Variants in CFAP299 observed in about 807,000 individuals in gnomAD.
CFAP299 encodes the protein cilia- and flagella-associated protein 299.
In CFAP299, 21 loss-of-function variants were observed where a neutral mutation model predicts 27.0. The ratio of observed to expected loss-of-function variants is 0.78; its 90% CI spans 0.55 to 1.12. The LOEUF (loss-of-function observed/expected upper bound fraction) is 1.12, where lower values mean the gene tolerates loss of function less well. Among genes scored for constraint, CFAP299 ranks in the 50% most tolerant of loss-of-function variants. The probability of loss-of-function intolerance (pLI) is 0.00; values close to 1 mark genes in which losing one functional copy is unlikely to be tolerated. For synonymous variants in CFAP299, 104 were observed against 98.1 expected, an observed-to-expected ratio of 1.06 and a Z score of -0.36; for missense variants, 310 against 276.6, an observed-to-expected ratio of 1.12 and a Z score of -0.86.
intron 3 of CFAP299, among the ~76,000 whole-genome samples, chr4:80,828,942 A>G (rs1730143297): frequency 6.6e-6 from 1 of 152,114 alleles, no homozygotes; most frequent in South Asian, 2.1e-4. Context: ...AACAAAATTG[A>G]TCAAAGACCT....
At chr4:80,409,980 C>T (rs183862869) in intron 2 of CFAP299, among the ~76,000 whole-genome samples, 15 of 152,202 alleles carry the variant, frequency 9.9e-5, no homozygotes, top group African/African-American at 3.1e-4. Context: ...GAAGGTCCAG[C>T]GAAGATCAGC....
the CFAP299 span, among the ~76,000 whole-genome samples, chr4:80,322,645 CTT>C: frequency 6.6e-6 from 1 of 152,082 alleles, no homozygotes; most frequent in Admixed American, 6.5e-5. Flanking sequence ...TCTTAAGAAA[CTT>C]TGAGTTTTCA....
intron 2 of CFAP299, among the ~76,000 whole-genome samples, chr4:80,460,306 C>A (rs1298612815): frequency 2.0e-5 from 3 of 152,136 alleles, no homozygotes; most frequent in African/African-American, 7.2e-5. Context: ...GTTTATTTCA[C>A]CAATGCAGAT....
chr4:80,671,908 G>A (rs11732131), intron 3 of CFAP299, among the ~76,000 whole-genome samples: 1 of 152,008 alleles, frequency 6.6e-6, no homozygotes, highest in African/African-American at 2.4e-5. Context: ...GAGATGATGG[G>A]GTTTTCTAAA....
intron 3 of CFAP299, among the ~76,000 whole-genome samples, chr4:80,645,079 G>T (rs879798708): frequency 2.6e-5 from 4 of 151,758 alleles, no homozygotes; most frequent in Non-Finnish European, 4.4e-5. Context: ...TTACTTTAAG[G>T]TCCTCTTTGC....
At chr4:80,545,855 C>T (rs997282509) in intron 2 of CFAP299, among the ~76,000 whole-genome samples, 9 of 151,952 alleles carry the variant, frequency 5.9e-5, no homozygotes, top group Admixed American at 1.3e-4. Context: ...CAACAAAATA[C>T]GATTAATAGT....
At chr4:80,657,518 G>C (rs1740621002) in intron 3 of CFAP299, among the ~76,000 whole-genome samples, 2 of 152,104 alleles carry the variant, frequency 1.3e-5, no homozygotes, top group South Asian at 4.2e-4. Flanking sequence ...TGTCAGGTTT[G>C]TCAAAGATCA....
intron 2 of CFAP299, among the ~76,000 whole-genome samples, chr4:80,457,061 G>A (rs1053486419): frequency 6.6e-6 from 1 of 151,224 alleles, no homozygotes; most frequent in African/African-American, 2.4e-5. Flanking sequence ...GAGACCATGA[G>A]AACATGTAAA....
At chr4:80,641,017 A>T (rs1739695629) in intron 3 of CFAP299, among the ~76,000 whole-genome samples, 1 of 152,186 alleles carries the variant, frequency 6.6e-6, no homozygotes, top group Non-Finnish European at 1.5e-5. Flanking sequence ...TAAATATGCC[A>T]TTAGATGAAT....
intron 3 of CFAP299, among the ~76,000 whole-genome samples, chr4:80,612,976 A>G (rs970664649): frequency 6.6e-6 from 1 of 152,152 alleles, no homozygotes; most frequent in African/African-American, 2.4e-5. Context: ...TAGGACAGAA[A>G]GGAAAAGTAA....
At chr4:80,412,672 C>G (rs562222845) in intron 2 of CFAP299, among the ~76,000 whole-genome samples, 2 of 152,126 alleles carry the variant, frequency 1.3e-5, no homozygotes, top group African/African-American at 2.4e-5. Flanking sequence ...AGCATCTTTG[C>G]TCACTGAGGA....
At chr4:80,464,432 A>G (rs1218586484) in intron 2 of CFAP299, among the ~76,000 whole-genome samples, 2 of 152,240 alleles carry the variant, frequency 1.3e-5, no homozygotes, top group Admixed American at 6.5e-5. Context: ...TAACTGGTAT[A>G]GCCATGAGTG....
intron 4 of CFAP299, among the ~76,000 whole-genome samples, chr4:80,944,298 A>G (rs529691830): frequency 6.6e-6 from 1 of 152,222 alleles, no homozygotes; most frequent in Non-Finnish European, 1.5e-5. Context: ...GATAGCATAG[A>G]TCACATCACG....
chr4:80,474,145 A>G (rs1399973348), intron 2 of CFAP299, among the ~76,000 whole-genome samples: 1 of 152,192 alleles, frequency 6.6e-6, no homozygotes, highest in South Asian at 2.1e-4. Flanking sequence ...TTTTATTTGG[A>G]CACTAATATT....
intron 3 of CFAP299, among the ~76,000 whole-genome samples, chr4:80,786,567 C>T (rs1727254426): frequency 1.3e-5 from 2 of 152,062 alleles, no homozygotes; most frequent in Non-Finnish European, 2.9e-5. Flanking sequence ...TTATGCTTTC[C>T]ATAACCTTTT....
intron 2 of CFAP299, among the ~76,000 whole-genome samples, chr4:80,375,360 T>C (rs1230645543): frequency 6.6e-6 from 1 of 152,218 alleles, no homozygotes; most frequent in Non-Finnish European, 1.5e-5. Context: ...TCCTATTGGC[T>C]AGGGCATTCC....
At chr4:80,907,734 C>T (rs1260124067) in intron 4 of CFAP299, among the ~76,000 whole-genome samples, 4 of 152,148 alleles carry the variant, frequency 2.6e-5, no homozygotes, top group Non-Finnish European at 4.4e-5. Context: ...TACCTCCTAT[C>T]GGGTCCCTCT....
At chr4:80,514,289 G>A (rs1166510873) in intron 2 of CFAP299, among the ~76,000 whole-genome samples, 1 of 151,966 alleles carries the variant, frequency 6.6e-6, no homozygotes, top group Non-Finnish European at 1.5e-5. Context: ...TTAAGGGATC[G>A]ATATTGCTCT....
intron 2 of CFAP299, among the ~76,000 whole-genome samples, chr4:80,429,522 G>T (rs1727704303): frequency 6.6e-6 from 1 of 152,002 alleles, no homozygotes; most frequent in African/African-American, 2.4e-5. Flanking sequence ...GGTGGCTGTG[G>T]TGCTGAAATT....
Sources: allele counts gnomAD v4.1 joint callset (sites outside exome capture counted in the v4.1 genomes callset), GRCh38; gene constraint gnomAD v4.1.1; transcripts MANE v1.5; gene names NCBI Gene and HGNC (gene_info 2026-07-23, HGNC 2026-07-21).